The following TMEM138 variants were observed in gnomAD, a reference collection of about 807,000 sequenced individuals.
TMEM138 encodes transmembrane protein 138.
A neutral mutation model predicts 18.1 loss-of-function variants in TMEM138; 9 were observed. The ratio of observed to expected loss-of-function variants is 0.50; its 90% CI spans 0.30 to 0.87. The LOEUF is 0.87. Among genes scored for constraint, TMEM138 ranks in the 40% least tolerant of loss-of-function variants. TMEM138 has a pLI of 0.06. For synonymous variants in TMEM138, 79 were observed against 74.8 expected (o/e 1.06, Z -0.29); for missense variants, 189 against 190.6 (o/e 0.99, Z 0.05).
At chr11:61,368,353 G>C (rs1858228290) in intron 4 of TMEM138, 1 of 508,874 alleles carries the variant, frequency 2.0e-6, no homozygotes, top group Non-Finnish European at 3.6e-6. Context: ...AGCCTCCGGA[G>C]TAGCTGGGAC....
At chr11:61,374,178 C>T (rs1310456498), downstream of TMEM138, among the ~76,000 whole-genome samples, 257 of 117,686 alleles carry the variant, frequency 2.2e-3, 1 homozygote, top group African/African-American at 8.1e-3. Flanking sequence ...GACAGAGTTT[C>T]GCTCTGTCAC....
At chr11:61,375,894 A>T (rs1858428741), downstream of TMEM138, among the ~76,000 whole-genome samples, 2 of 152,192 alleles carry the variant, frequency 1.3e-5, no homozygotes, top group Admixed American at 1.3e-4. Flanking sequence ...CAGGCCCAGG[A>T]GTCCCAAGTT....
chr11:61,370,934 GCCCCCAAACATCTCAGGA>G (rs1304552346), downstream of TMEM138, among the ~76,000 whole-genome samples: 1 of 152,156 alleles, frequency 6.6e-6, no homozygotes, highest in East Asian at 1.9e-4. Flanking sequence ...TCAGCTGGGG[GCCCCCAAACATCTCAGGA>G]CCCCCAAACT....
In TMEM138 at chr11:61,368,784, CT is replaced by C; in HGVS notation, c.*76del. 1 of 1,174,916 alleles carries C rather than the reference CT, an allele frequency of 8.5e-7. No homozygotes were observed. The allele number at this position is 1,174,916 out of a possible 1,614,324, so 72.8% of individuals were successfully genotyped here. On this transcript the variant is annotated 3_prime_UTR_variant, in exon 5 of 5. Transcript: ENST00000278826. ...TGCTGCTTTGCAGGGAGAGTTGGCC[CT>C]ATGCATGGGCAAACAGCTGGACTTT...
chr11:61,373,484 C>T (rs1399792120), downstream of TMEM138, among the ~76,000 whole-genome samples: 1 of 150,254 alleles, frequency 6.7e-6, no homozygotes, highest in East Asian at 1.9e-4. Context: ...ATTAAGTCTC[C>T]TCTCTCAAAG....
At chr11:61,365,920 G>A (rs1039095206) in intron 2 of TMEM138, 125 bp from the exon 3 acceptor site, 13 of 1,240,406 alleles carry the variant, frequency 1.0e-5, no homozygotes, top group East Asian at 2.6e-5. Flanking sequence ...CTCTGTGAGG[G>A]TTTAAGATGT....
In TMEM138 at chr11:61,368,786, A is replaced by G. The variant is rs113635556; in HGVS notation, c.*77A>G. 2 of 1,108,984 alleles carry G rather than the reference A, an allele frequency of 1.8e-6. No individual in the cohort carries two copies. Among genetic ancestry groups the G allele is most frequent in the Non-Finnish European group, 2.7e-6 (2 of 734,256 alleles). 68.7% of individuals were successfully genotyped at this position (1,108,984 alleles called of 1,614,324 possible). ...CTGCTTTGCAGGGAGAGTTGGCCCT[A>G]TGCATGGGCAAACAGCTGGACTTTC... is the stretch of plus-strand genomic sequence containing the variant. On this transcript the variant is annotated 3_prime_UTR_variant, in exon 5 of 5. Transcript: ENST00000278826.
At chr11:61,368,549 G>A (rs1858237728) in intron 4 of TMEM138, 48 bp from the exon 5 acceptor site, 1 of 1,344,350 alleles carries the variant, frequency 7.4e-7, no homozygotes. Context: ...AACCTGAAAT[G>A]ATACTCAGGA....
chr11:61,368,729 A>AAAAG lies in TMEM138; in HGVS notation c.*20_*21insAAAG. ...AGGTGACCTCTTGTCACACTGATGGATACTTTTCCTTCCTGATAGAAGCCA... is the reference window on the plus strand; with the variant it reads ...AGGTGACCTCTTGTCACACTGATGGAAAAGTACTTTTCCTTCCTGATAGAAGCCA... On this transcript the variant is annotated 3_prime_UTR_variant, in exon 5 of 5. Coordinates refer to ENST00000278826, the MANE Select transcript of TMEM138 (RefSeq NM_016464.5). 6.3e-7 allele frequency: 1 copy of AAAAG among 1,584,616 alleles called. No homozygotes were observed. The highest frequency in any genetic ancestry group is 8.7e-7 in the Non-Finnish European group (1 of 1,153,890).
intron 1 of TMEM138, chr11:61,363,865 G>A (rs536953213): frequency 1.3e-5 from 2 of 152,290 alleles, no homozygotes; most frequent in Non-Finnish European, 2.9e-5. Context: ...GTAAAATGGG[G>A]AAGGTAATAA....
chr11:61,373,512 T>C (rs1223812051), downstream of TMEM138, among the ~76,000 whole-genome samples: 1 of 148,174 alleles, frequency 6.7e-6, no homozygotes, highest in Non-Finnish European at 1.5e-5. Flanking sequence ...GTTTTTACCT[T>C]TTTTTTTTTT....
intron 2 of TMEM138, among the ~76,000 whole-genome samples, chr11:61,365,384 C>G (rs1370562011): frequency 6.6e-6 from 1 of 151,884 alleles, no homozygotes; most frequent in East Asian, 1.9e-4. Flanking sequence ...CCTCAGCCTC[C>G]CTAGTAGCTG....
chr11:61,372,320 G>C (rs1235869590), downstream of TMEM138, among the ~76,000 whole-genome samples: 2 of 151,856 alleles, frequency 1.3e-5, no homozygotes, highest in Non-Finnish European at 2.9e-5. Flanking sequence ...TTTTGTTTTT[G>C]AGATGGAGTC....
At chr11:61,375,035 A>G (rs1344937424), downstream of TMEM138, among the ~76,000 whole-genome samples, 1 of 152,188 alleles carries the variant, frequency 6.6e-6, no homozygotes, top group African/African-American at 2.4e-5. Context: ...CTGTCACATC[A>G]GAATAGAGGA....
chr11:61,370,581 A>G (rs1475580059), downstream of TMEM138, among the ~76,000 whole-genome samples: 1 of 152,184 alleles, frequency 6.6e-6, no homozygotes, highest in Admixed American at 6.5e-5. Flanking sequence ...CAAATTTTCA[A>G]GGGCAAAGGC....
chr11:61,366,223 G>A lies in TMEM138; in HGVS notation c.300+7G>A. The A allele has an allele frequency of 1.3e-6, 2 of 1,598,494 alleles. No individual in the cohort carries two copies. Among genetic ancestry groups the A allele is most frequent in the Middle Eastern group, 1.7e-4 (1 of 5,976 alleles). On this transcript the variant is annotated splice_region_variant and intron_variant, in intron 3 of 4. Coordinates refer to ENST00000278826, the MANE Select transcript of TMEM138 (RefSeq NM_016464.5). ...CCTTCATGTCTGGGTCATGGTAAGA[G>A]TGGCAGTCTGAATTCTTTTTTTAAT...
chr11:61,373,879 C>T (rs1038087652), downstream of TMEM138, among the ~76,000 whole-genome samples: 4 of 151,574 alleles, frequency 2.6e-5, no homozygotes, highest in Admixed American at 6.6e-5. Context: ...TCACTCTTGT[C>T]GTCCAGGCTG....
downstream of TMEM138, among the ~76,000 whole-genome samples, chr11:61,374,884 G>C (rs960698174): frequency 6.6e-5 from 10 of 152,222 alleles, no homozygotes; most frequent in African/African-American, 2.4e-4. Flanking sequence ...TTGAACCTGG[G>C]AGGCGGAGGC....
intron 4 of TMEM138, 64 bp from the exon 5 acceptor site, chr11:61,368,533 G>A: frequency 8.3e-7 from 1 of 1,210,510 alleles, no homozygotes; most frequent in Non-Finnish European, 1.2e-6. Context: ...GCCAGGTTCT[G>A]TTCTTAACCT....
Sources: gnomAD v4.1 joint callset for allele counts (sites outside exome capture counted in the v4.1 genomes callset) on GRCh38, gnomAD v4.1.1 for gene constraint, MANE v1.5 for transcripts, NCBI Gene and HGNC (gene_info 2026-07-23, HGNC 2026-07-21) for gene names.